Variants in MRC1 observed in about 807,000 individuals in gnomAD.
MRC1 encodes macrophage mannose receptor 1.
A neutral mutation model predicts 102.9 loss-of-function variants in MRC1; 62 were observed. The observed-to-expected ratio is 0.60, with a 90% CI of 0.49 to 0.74. The LOEUF (loss-of-function observed/expected upper bound fraction) is 0.74. MRC1 is among the 30% of genes least tolerant of loss of function. The pLI, the probability that MRC1 is intolerant of heterozygous loss-of-function variation, is 0.00. For synonymous variants in MRC1, 457 were observed against 298.4 expected, an observed-to-expected ratio of 1.53 and a Z score of -5.48; for missense variants, 1,237 against 862.8, an observed-to-expected ratio of 1.43 and a Z score of -5.43.
In MRC1 at chr10:17,816,765, T is replaced by C. The variant is rs932609323; in HGVS notation, c.62-6309T>C. 3.3e-5 allele frequency among the ~76,000 whole-genome samples: 5 copies of C among 152,312 alleles called. 1 individual carries two copies. The highest frequency in any genetic ancestry group is 1.2e-4 in the African/African-American group (5 of 41,570). ...TGGCTTCTCTGTCTTCCAGAAGTTA[T>C]TGTCTTTTGTGTTCCAATGTCAGCA... On this transcript the variant is annotated intron_variant, in intron 1 of 29. Transcript: ENST00000569591.
chr10:17,810,381 G>C, intron 1 of MRC1, among the ~76,000 whole-genome samples: 1 of 152,160 alleles, frequency 6.6e-6, no homozygotes. Context: ...CACTTGCAGA[G>C]AATGGTTTGT....
chr10:17,864,284 T>A (rs1373549001), intron 11 of MRC1, among the ~76,000 whole-genome samples: 1 of 152,140 alleles, frequency 6.6e-6, no homozygotes, highest in Non-Finnish European at 1.5e-5. Flanking sequence ...GTTACAGGCA[T>A]GAGCCACTGC....
At chr10:17,818,107 C>T (rs1478173579) in intron 1 of MRC1, among the ~76,000 whole-genome samples, 2 of 152,140 alleles carry the variant, frequency 1.3e-5, no homozygotes, top group African/African-American at 4.8e-5. Flanking sequence ...TGAAACAGAA[C>T]CTTTTCATTT....
intron 26 of MRC1, among the ~76,000 whole-genome samples, chr10:17,902,927 G>C (rs1229109908): frequency 6.6e-6 from 1 of 151,900 alleles, no homozygotes; most frequent in Non-Finnish European, 1.5e-5. Flanking sequence ...GTACATATTC[G>C]TCTACACTCA....
At position 17,833,772 on chromosome 10, in the gene MRC1, A is replaced by G. The variant is rs916145308; in HGVS notation, c.735A>G (p.Lys245=). Residue 245 remains lysine (K), a synonymous_variant, in exon 4 of 30, where the codon AAA becomes AAG. Coordinates refer to ENST00000569591, the MANE Select transcript of MRC1 (RefSeq NM_002438.4). ...KSALTWHQAR[K]SCQQQNAELL... is the part of the protein sequence containing the mutation. ...CTTTAACGTGGCACCAGGCGAGGAA[A>G]AGCTGCCAACAACAGAACGCTGAGC... 2.4e-5 allele frequency: 19 copies of G among 780,990 alleles called. No individual in the cohort carries two copies. The highest frequency in any genetic ancestry group is 1.0e-4 in the Admixed American group (6 of 59,020). The allele number at this position is 780,990 out of a possible 1,614,324, so 48.4% of individuals were successfully genotyped here.
At chr10:17,898,681 G>C (rs2130714856) in intron 24 of MRC1, among the ~76,000 whole-genome samples, 1 of 152,328 alleles carries the variant, frequency 6.6e-6, no homozygotes, top group South Asian at 2.1e-4. Flanking sequence ...TTCTAGACTT[G>C]TTGTAGGTCC....
In MRC1 at chr10:17,901,977, C is replaced by A; in HGVS notation, c.3654C>A (p.Ile1218=). ...FYFLCKRSDE[I]PATEPPQLPG... is the part of the protein sequence containing the mutation. ...AAAATGTGTTTTTATTAACAGAAAT[C>A]CCTGCTACTGAACCCCCACAACTGC... The change falls in exon 26 of 30, where the codon ATC becomes ATA. Residue 1218 remains isoleucine, a synonymous_variant. Transcript: ENST00000569591. The A allele has an allele frequency of 2.6e-6, 2 of 780,734 alleles. No individual in the cohort carries two copies. Among genetic ancestry groups the A allele is most frequent in the South Asian group, 2.7e-5 (2 of 74,602 alleles). The allele number at this position is 780,734 out of a possible 1,614,324, so 48.4% of individuals were successfully genotyped here. A position where few individuals can be genotyped will look rare whatever the true frequency, so the allele number is the denominator to read the frequency against.
intron 22 of MRC1, among the ~76,000 whole-genome samples, chr10:17,893,575 G>T (rs1214028939): frequency 6.6e-6 from 1 of 152,098 alleles, no homozygotes; most frequent in African/African-American, 2.4e-5. Flanking sequence ...CAGGTATGAG[G>T]ATTAGAATGG....
chr10:17,823,614 A>C (rs923501077), intron 2 of MRC1, 139 bp downstream of exon 2: 1 of 714,286 alleles, frequency 1.4e-6, no homozygotes, highest in Non-Finnish European at 2.6e-6. Context: ...GTTTTCAACT[A>C]TTCTGTAGGA....
intron 5 of MRC1, among the ~76,000 whole-genome samples, chr10:17,843,700 T>C (rs1838783713): frequency 6.6e-6 from 1 of 152,130 alleles, no homozygotes; most frequent in Non-Finnish European, 1.5e-5. Context: ...TGCTTATTAC[T>C]AACCATTATT....
chr10:17,892,994 G>A (rs1292370996), intron 22 of MRC1, among the ~76,000 whole-genome samples: 1 of 145,472 alleles, frequency 6.9e-6, no homozygotes, highest in Admixed American at 6.9e-5. Flanking sequence ...TGGCGACAGA[G>A]CGAGACTCCA....
chr10:17,855,745 C>A (rs1028539344), intron 8 of MRC1, among the ~76,000 whole-genome samples: 55 of 151,810 alleles, frequency 3.6e-4, no homozygotes, highest in African/African-American at 1.3e-3. Flanking sequence ...ATGTTTGTAG[C>A]TAGAGTCAAA....
At chr10:17,828,231 C>A (rs1838513350) in intron 3 of MRC1, among the ~76,000 whole-genome samples, 1 of 152,000 alleles carries the variant, frequency 6.6e-6, no homozygotes, top group South Asian at 2.1e-4. Context: ...CGCCCGCCAC[C>A]ACGCCTGGCT....
intron 1 of MRC1, among the ~76,000 whole-genome samples, chr10:17,816,933 G>A (rs1001671223): frequency 2.0e-5 from 3 of 151,992 alleles, no homozygotes; most frequent in East Asian, 3.9e-4. Context: ...TCAATGTTGC[G>A]GCATAATTTT....
chr10:17,846,645 T>C (rs1838829937), intron 6 of MRC1, among the ~76,000 whole-genome samples: 1 of 152,296 alleles, frequency 6.6e-6, no homozygotes, highest in South Asian at 2.1e-4. Flanking sequence ...AACAAATATA[T>C]TTATAATTAT....
At chr10:17,848,499 A>C (rs1259718963) in intron 6 of MRC1, among the ~76,000 whole-genome samples, 3 of 152,156 alleles carry the variant, frequency 2.0e-5, no homozygotes, top group African/African-American at 7.2e-5. Context: ...GCGTATAATC[A>C]AGATTATACA....
intron 8 of MRC1, among the ~76,000 whole-genome samples, chr10:17,855,464 A>G (rs692025): frequency 0.96 from 145,848 of 151,692 alleles, 70,130 homozygotes; most frequent in East Asian, 1. Context: ...CCAGCTACTC[A>G]GGAGGCTGAG....
At position 17,849,691 on chromosome 10, in the gene MRC1, G is replaced by A. The variant is rs782122683; in HGVS notation, c.1176G>A (p.Arg392=). 7.7e-6 allele frequency: 6 copies of A among 780,958 alleles called. 1 individual carries two copies. In the South Asian group the frequency reaches 8.0e-5, roughly 10 times the overall value. The allele number at this position is 780,958 out of a possible 1,614,324, so 48.4% of individuals were successfully genotyped here. Residue 392 remains arginine, a synonymous_variant, in exon 7 of 30, where the codon AGG becomes AGA. Coordinates refer to ENST00000569591, the MANE Select transcript of MRC1 (RefSeq NM_002438.4). ...AGAGGGATGCTCTGACCACCTGCAGGAAGGAAGGCGGTGACCTCACAAGTA... is the reference window on the plus strand; with the variant it reads ...AGAGGGATGCTCTGACCACCTGCAGAAAGGAAGGCGGTGACCTCACAAGTA... ...KIQRDALTTC[R]KEGGDLTSIH...
rs955659956 is a variant in MRC1 at position 17,873,775 on chromosome 10, G to A, written c.2345-9G>A. The A allele has an allele frequency of 9.2e-6, 8 of 872,480 alleles. No individual in the cohort carries two copies. Among genetic ancestry groups the A allele is most frequent in the Non-Finnish European group, 1.6e-5 (8 of 501,312 alleles). The allele number at this position is 872,480 out of a possible 1,614,324, so 54.0% of individuals were successfully genotyped here. On this transcript the variant is annotated splice_polypyrimidine_tract_variant and intron_variant, in intron 15 of 29. Transcript: ENST00000569591. ...TACACTTTATTTCTATTTTTCTCTTGTTTTACAGGACAAACACCAAAACCT... is the reference window on the plus strand; with the variant it reads ...TACACTTTATTTCTATTTTTCTCTTATTTTACAGGACAAACACCAAAACCT...
Sources: allele counts gnomAD v4.1 joint callset (sites outside exome capture counted in the v4.1 genomes callset), GRCh38; gene constraint gnomAD v4.1.1; transcripts MANE v1.5; gene names NCBI Gene and HGNC (gene_info 2026-07-23, HGNC 2026-07-21).